RNGTT: variants seen among roughly 807,000 people sequenced by gnomAD.
The protein encoded by RNGTT is mRNA-capping enzyme.
In RNGTT, 33 loss-of-function variants were observed where a neutral mutation model predicts 79.3. That is an observed-to-expected ratio of 0.42 (90% CI 0.32 to 0.56). RNGTT has a LOEUF of 0.56. Ranked by LOEUF, RNGTT falls within the 20% of genes least tolerant of loss-of-function variation. The pLI is 0.17. For missense variants in RNGTT, 497 were observed against 739.1 expected (o/e 0.67, Z 3.80); for synonymous variants, 222 against 235.9 (o/e 0.94, Z 0.54).
At chr6:88,641,054 C>T (rs1002637865) in intron 14 of RNGTT, among the ~76,000 whole-genome samples, 13 of 151,936 alleles carry the variant, frequency 8.6e-5, no homozygotes, top group African/African-American at 2.9e-4. Flanking sequence ...TGTGTTAAGA[C>T]GACCGGCCGG....
Position 88,861,739 on chromosome 6 carries a change from AC to A in RNGTT, c.897-7976del, listed in dbSNP as rs546002779. The stretch of plus-strand genomic sequence containing the variant: ...TAGACAATAAAGAATCAGTGTCAAA[AC>A]CCCTTTCACAACCTCCTTATATAAT... On this transcript the variant is annotated intron_variant, in intron 8 of 15. Transcript: ENST00000369485. 5.8e-3 allele frequency among the ~76,000 whole-genome samples: 883 copies of A among 152,146 alleles called. 15 individuals are homozygous for A. The highest frequency in any genetic ancestry group is 0.019 in the African/African-American group (801 of 41,524).
chr6:88,934,600 G>A (rs1329360746), intron 2 of RNGTT, among the ~76,000 whole-genome samples: 1 of 151,960 alleles, frequency 6.6e-6, no homozygotes, highest in African/African-American at 2.4e-5. Context: ...CTATTCAGTA[G>A]GTTGTTATTT....
intron 2 of RNGTT, among the ~76,000 whole-genome samples, chr6:88,937,057 G>C (rs1784687412): frequency 6.6e-6 from 1 of 152,038 alleles, no homozygotes; most frequent in African/African-American, 2.4e-5. Flanking sequence ...AATAGTCTTT[G>C]ATGGGCCAGG....
At chr6:88,951,667 C>T (rs928617120) in intron 1 of RNGTT, among the ~76,000 whole-genome samples, 1 of 152,106 alleles carries the variant, frequency 6.6e-6, no homozygotes, top group Non-Finnish European at 1.5e-5. Flanking sequence ...ATCCAGATCA[C>T]AGGAGAAGGA....
intron 8 of RNGTT, among the ~76,000 whole-genome samples, chr6:88,856,725 T>C (rs1562288166): frequency 6.6e-6 from 1 of 152,172 alleles, no homozygotes; most frequent in Non-Finnish European, 1.5e-5. Flanking sequence ...TCATATGTTC[T>C]TTTGTTATGC....
At chr6:88,740,347 G>A (rs965484427) in intron 13 of RNGTT, among the ~76,000 whole-genome samples, 1 of 151,736 alleles carries the variant, frequency 6.6e-6, no homozygotes. Flanking sequence ...GTAAGACCTC[G>A]TCTCTACAAA....
At chr6:88,686,920 A>G (rs1775300354) in intron 13 of RNGTT, among the ~76,000 whole-genome samples, 1 of 152,040 alleles carries the variant, frequency 6.6e-6, no homozygotes. Context: ...ATTCCTCTTC[A>G]ATCTTGATAT....
intron 13 of RNGTT, among the ~76,000 whole-genome samples, chr6:88,692,629 A>G (rs997011225): frequency 3.9e-5 from 6 of 152,106 alleles, no homozygotes; most frequent in Non-Finnish European, 7.4e-5. Flanking sequence ...ATATGAAAAA[A>G]GGGAAGAAGG....
chr6:88,851,158 T>C (rs887084416), intron 9 of RNGTT, among the ~76,000 whole-genome samples: 1 of 151,234 alleles, frequency 6.6e-6, no homozygotes, highest in South Asian at 2.1e-4. Flanking sequence ...TTTCATAGTA[T>C]GTAAATTGTA....
Position 88,853,695 on chromosome 6 carries a change from A to G in RNGTT, c.966T>C (p.Val322=), listed in dbSNP as rs1456123584. 1 of 1,588,342 alleles carries G rather than the reference A, an allele frequency of 6.3e-7. No homozygotes were observed. ...TACGAAATGGAAATTCCAGATTTGA[A>G]ACATGAAATACTGAATTGTCTCTAT... ...MIDRDNSVFH[V]SNLEFPFRKD... Residue 322 remains valine (V), a synonymous_variant, in exon 9 of 16, where the codon GTT becomes GTC. Coordinates refer to ENST00000369485, the MANE Select transcript of RNGTT (RefSeq NM_003800.5).
chr6:88,696,717 G>A (rs1775686131), intron 13 of RNGTT, among the ~76,000 whole-genome samples: 1 of 151,830 alleles, frequency 6.6e-6, no homozygotes, highest in South Asian at 2.1e-4. Flanking sequence ...ATCTTACTTT[G>A]TTTTTCCCTC....
intron 12 of RNGTT, among the ~76,000 whole-genome samples, chr6:88,793,465 A>G (rs891612288): frequency 5.3e-5 from 8 of 152,250 alleles, no homozygotes; most frequent in African/African-American, 1.9e-4. Context: ...GAAGCTGACC[A>G]TGTCCACTGA....
chr6:88,839,525 G>A lies in RNGTT; in HGVS notation c.1269+4832C>T, dbSNP rs1015138158. Reference sequence around the variant, plus strand: ...GTCAAGGATGCAGGGAGCCATGATCGCACCACTGCACTCTAGCCTGGATGA... The same window carrying A: ...GTCAAGGATGCAGGGAGCCATGATCACACCACTGCACTCTAGCCTGGATGA... On this transcript the variant is annotated intron_variant, in intron 11 of 15. Transcript: ENST00000369485. Among the ~76,000 whole-genome samples, 14 of 151,876 alleles carry A rather than the reference G, an allele frequency of 9.2e-5. No homozygotes were observed. The South Asian group carries it at 2.3e-3, about 25-fold the overall frequency.
At chr6:88,651,749 C>CA (rs1195072040) in intron 14 of RNGTT, among the ~76,000 whole-genome samples, 2 of 131,096 alleles carry the variant, frequency 1.5e-5, no homozygotes, top group African/African-American at 8.4e-5. Flanking sequence ...GCCTTCTTGC[C>CA]CCCCCAAATT....
chr6:88,952,955 C>T (rs546448300), intron 1 of RNGTT, among the ~76,000 whole-genome samples: 6 of 152,158 alleles, frequency 3.9e-5, no homozygotes, highest in Non-Finnish European at 7.4e-5. Context: ...GCCTGTGGGA[C>T]AAAAGAATCT....
At chr6:88,675,020 C>T (rs1230746401) in intron 14 of RNGTT, among the ~76,000 whole-genome samples, 1 of 151,520 alleles carries the variant, frequency 6.6e-6, no homozygotes, top group Non-Finnish European at 1.5e-5. Flanking sequence ...ATCACTTGAA[C>T]TCGGGAGGCA....
At chr6:88,739,730 TATATATATATATATATATA>T (rs1777410251) in intron 13 of RNGTT, among the ~76,000 whole-genome samples, 3 of 12,522 alleles carry the variant, frequency 2.4e-4, no homozygotes, top group African/African-American at 7.5e-4. Flanking sequence ...AAAAATTATA[TATATATATATATATATATA>T]TATATATATA....
intron 14 of RNGTT, among the ~76,000 whole-genome samples, chr6:88,628,538 G>T (rs1772722607): frequency 6.6e-6 from 1 of 151,898 alleles, no homozygotes; most frequent in Non-Finnish European, 1.5e-5. Flanking sequence ...TTAATTTAAG[G>T]TTTATAGCCA....
At chr6:88,644,995 C>T (rs577640904) in intron 14 of RNGTT, among the ~76,000 whole-genome samples, 41 of 152,244 alleles carry the variant, frequency 2.7e-4, no homozygotes, top group African/African-American at 9.6e-4. Context: ...GTTGGAAGTT[C>T]TGGCCAGGGC....
Sources: gnomAD v4.1 joint callset for allele counts (sites outside exome capture counted in the v4.1 genomes callset) on GRCh38, gnomAD v4.1.1 for gene constraint, MANE v1.5 for transcripts, NCBI Gene and HGNC (gene_info 2026-07-23, HGNC 2026-07-21) for gene names.